Variants in PRPS2 observed in about 807,000 individuals in gnomAD.
PRPS2 encodes the protein ribose-phosphate pyrophosphokinase 2.
For synonymous variants in PRPS2, 111 were observed against 115.3 expected, an observed-to-expected ratio of 0.96 and a Z score of 0.24; for missense variants, 104 against 271.5, an observed-to-expected ratio of 0.38 and a Z score of 4.34.
At chrX:12,798,488 G>A (rs1313490889) in intron 1 of PRPS2, among the ~76,000 whole-genome samples, 2 of 106,933 alleles carry the variant, frequency 1.9e-5, no homozygotes, top group Non-Finnish European at 3.9e-5. Flanking sequence ...TTGAAGGAAA[G>A]TATCCAAAAA....
At chrX:12,797,302 G>T (rs2042549424) in intron 1 of PRPS2, among the ~76,000 whole-genome samples, 1 of 109,644 alleles carries the variant, frequency 9.1e-6, no homozygotes, top group African/African-American at 3.3e-5. Flanking sequence ...AGGTCGGAGT[G>T]AGCTGAGATG....
At chrX:12,817,039 A>T (rs891428070) in intron 4 of PRPS2, among the ~76,000 whole-genome samples, 1 of 110,142 alleles carries the variant, frequency 9.1e-6, no homozygotes, top group African/African-American at 3.3e-5. Flanking sequence ...TTGGTCTTCT[A>T]TAGTTTTGTT....
At chrX:12,820,011 C>G (rs908912196) in intron 5 of PRPS2, among the ~76,000 whole-genome samples, 3 of 111,898 alleles carry the variant, frequency 2.7e-5, no homozygotes, top group African/African-American at 9.7e-5. Flanking sequence ...TGCCAGCCTT[C>G]TCAGCCACAT....
chrX:12,798,960 T>C (rs1418267286), intron 1 of PRPS2, among the ~76,000 whole-genome samples: 1 of 111,977 alleles, frequency 8.9e-6, no homozygotes, highest in Non-Finnish European at 1.9e-5. Flanking sequence ...GCTCTACCTC[T>C]GACTCCCCTC....
rs758339026 is a variant in PRPS2, at chrX:12,799,192, G to T, written c.123-15G>T. 1.8e-5 allele frequency: 22 copies of T among 1,208,338 alleles called. No individual in the cohort carries two copies. The highest frequency in any genetic ancestry group is 2.2e-5 in the Non-Finnish European group (20 of 893,258). On this transcript the variant is annotated splice_polypyrimidine_tract_variant and intron_variant, in intron 1 of 6. Transcript: ENST00000380668. ...TATGCTTCGATATTAACCGATGGCAGTTTTCTTTTCCTAGCGTGGAGATTG... is the reference window on the plus strand; with the variant it reads ...TATGCTTCGATATTAACCGATGGCATTTTTCTTTTCCTAGCGTGGAGATTG...
intron 2 of PRPS2, among the ~76,000 whole-genome samples, chrX:12,805,646 A>G (rs1247136977): frequency 8.9e-6 from 1 of 112,497 alleles, no homozygotes; most frequent in Non-Finnish European, 1.9e-5. Flanking sequence ...AACCGTTTAA[A>G]GACGTAAAAA....
chrX:12,818,224 C>T (rs1602416779), intron 4 of PRPS2, among the ~76,000 whole-genome samples: 1 of 108,420 alleles, frequency 9.2e-6, no homozygotes, highest in African/African-American at 3.4e-5. Flanking sequence ...CAAAATTAGC[C>T]AGGAGTGGTG....
At chrX:12,799,174 C>T (rs1211774184) in intron 1 of PRPS2, 33 bp from the exon 2 acceptor site, 23 of 1,190,463 alleles carry the variant, frequency 1.9e-5, no homozygotes, top group Admixed American at 2.2e-5. Flanking sequence ...AAATATGCTT[C>T]GATATTAACC....
chrX:12,815,789 A>G (rs1486023660), intron 4 of PRPS2, among the ~76,000 whole-genome samples: 1 of 110,929 alleles, frequency 9.0e-6, no homozygotes, highest in African/African-American at 3.3e-5. Flanking sequence ...GGTTACAGGC[A>G]GCCACCATCA....
intron 2 of PRPS2, among the ~76,000 whole-genome samples, chrX:12,802,325 G>GTGTTTTGTTTTGTTT (rs764841614): frequency 1.8e-5 from 2 of 110,085 alleles, no homozygotes; most frequent in African/African-American, 6.7e-5. Context: ...GCTATAACTT[G>GTGTTTTGTTTTGTTT]TGTTTTGTTT....
intron 1 of PRPS2, among the ~76,000 whole-genome samples, chrX:12,791,956 G>T (rs188183544): frequency 0.018 from 2,008 of 113,145 alleles, 17 homozygotes; most frequent in Middle Eastern, 0.056. Flanking sequence ...ACGTCTGGGC[G>T]GTCACAGACC....
chrX:12,824,037 C>A lies in PRPS2; in HGVS notation c.*1241C>A, dbSNP rs2042688741. ...GAATATACCAAAGTTGTTTGTTTAG[C>A]CTCCAACTTAAATTACATTAGTCAA... On this transcript the variant is annotated 3_prime_UTR_variant, in exon 7 of 7. Coordinates refer to ENST00000380668, the MANE Select transcript of PRPS2 (RefSeq NM_002765.5). 8.9e-6 allele frequency: 1 copy of A among 111,998 alleles called. No homozygotes were observed. Among genetic ancestry groups the A allele is most frequent in the Non-Finnish European group, 1.9e-5 (1 of 53,249 alleles). 9.2% of individuals were successfully genotyped at this position (111,998 alleles called of 1,213,427 possible).
At chrX:12,801,907 C>T (rs1035371032) in intron 2 of PRPS2, among the ~76,000 whole-genome samples, 16 of 112,505 alleles carry the variant, frequency 1.4e-4, no homozygotes, top group African/African-American at 3.5e-4. Flanking sequence ...CCGCACCTGG[C>T]CTGTAGCTGT....
Position 12,824,124 on chromosome X carries a change from A to G in PRPS2, c.*1328A>G, listed in dbSNP as rs951045341. 8.9e-6 allele frequency: 1 copy of G among 112,826 alleles called. No homozygotes were observed. Among genetic ancestry groups the G allele is most frequent in the Non-Finnish European group, 1.9e-5 (1 of 53,350 alleles). 9.3% of individuals were successfully genotyped at this position (112,826 alleles called of 1,213,427 possible). ...TACTACATCAACTAGATTCAGGAGTATATCATTTGCAGTGCTTGTATTGGT... is the reference window on the plus strand; with the variant it reads ...TACTACATCAACTAGATTCAGGAGTGTATCATTTGCAGTGCTTGTATTGGT... On this transcript the variant is annotated 3_prime_UTR_variant, in exon 7 of 7. Transcript: ENST00000380668.
intron 2 of PRPS2, among the ~76,000 whole-genome samples, chrX:12,800,167 G>A (rs1285845315): frequency 4.5e-5 from 5 of 111,623 alleles, no homozygotes; most frequent in Non-Finnish European, 3.8e-5. Flanking sequence ...TCACAGTTTC[G>A]GAGGCCCAGA....
chrX:12,811,153 A>G (rs371329083), intron 4 of PRPS2, among the ~76,000 whole-genome samples: 111 of 112,657 alleles, frequency 9.9e-4, no homozygotes, highest in African/African-American at 3.4e-3. Flanking sequence ...CCAAGAGAAC[A>G]CAGTCCACGC....
At chrX:12,805,541 G>A (rs930464149) in intron 2 of PRPS2, among the ~76,000 whole-genome samples, 3 of 111,985 alleles carry the variant, frequency 2.7e-5, no homozygotes, top group African/African-American at 6.5e-5. Flanking sequence ...GAAGGGGTGC[G>A]GCTGTGTTCC....
intron 2 of PRPS2, among the ~76,000 whole-genome samples, chrX:12,806,997 G>A (rs1249615032): frequency 1.8e-5 from 2 of 110,810 alleles, no homozygotes; most frequent in African/African-American, 6.6e-5. Context: ...TGGAGGTTGC[G>A]GTGAGCCGAG....
intron 1 of PRPS2, among the ~76,000 whole-genome samples, chrX:12,797,841 T>C (rs778776116): frequency 8.9e-6 from 1 of 112,441 alleles, no homozygotes; most frequent in South Asian, 3.7e-4. Flanking sequence ...ATACAGAAAC[T>C]TCCAGACATG....
Sources: allele counts gnomAD v4.1 joint callset (sites outside exome capture counted in the v4.1 genomes callset), GRCh38; gene constraint gnomAD v4.1.1; transcripts MANE v1.5; gene names NCBI Gene and HGNC (gene_info 2026-07-23, HGNC 2026-07-21).